The following TRHDE variants were observed in gnomAD, a reference collection of about 807,000 sequenced individuals.
TRHDE encodes the protein thyrotropin-releasing hormone-degrading ectoenzyme.
TRHDE carries 72 observed loss-of-function variants against 125.7 expected under a neutral mutation model. That is an observed-to-expected ratio of 0.57 (90% CI 0.47 to 0.70). The LOEUF (loss-of-function observed/expected upper bound fraction) is 0.70, where lower values mean the gene tolerates loss of function less well. Ranked by LOEUF, TRHDE falls within the 30% of genes least tolerant of loss-of-function variation. The pLI is 0.00. For synonymous variants in TRHDE, 509 were observed against 509.1 expected (o/e 1.00, Z 0.00); for missense variants, 1,110 against 1,327.1 (o/e 0.84, Z 2.54).
intron 15 of TRHDE, among the ~76,000 whole-genome samples, chr12:72,632,646 G>A (rs11179293): frequency 0.15 from 22,523 of 150,434 alleles, 2,298 homozygotes; most frequent in East Asian, 0.54. Flanking sequence ...GGTATAATTG[G>A]TGCTGGATAT....
At chr12:72,276,884 C>T (rs1191669718) in intron 1 of TRHDE, among the ~76,000 whole-genome samples, 2 of 152,110 alleles carry the variant, frequency 1.3e-5, no homozygotes, top group African/African-American at 2.4e-5. Context: ...CTGTAGTCTC[C>T]GACAAAAGAG....
chr12:72,336,998 A>G (rs750426706), intron 2 of TRHDE, among the ~76,000 whole-genome samples: 4 of 152,088 alleles, frequency 2.6e-5, no homozygotes, highest in Non-Finnish European at 5.9e-5. Flanking sequence ...CTCAGGTTTC[A>G]CTCCAGACTT....
At chr12:72,544,992 G>A (rs1869345742) in intron 7 of TRHDE, among the ~76,000 whole-genome samples, 1 of 151,332 alleles carries the variant, frequency 6.6e-6, no homozygotes, top group Non-Finnish European at 1.5e-5. Flanking sequence ...TGTTTCTATA[G>A]TCATATTACC....
intron 2 of TRHDE, among the ~76,000 whole-genome samples, chr12:72,105,945 A>G (rs974168121): frequency 6.6e-6 from 1 of 152,144 alleles, no homozygotes; most frequent in Non-Finnish European, 1.5e-5. Context: ...CTACATTCAT[A>G]TGGCTGGAAA....
At chr12:72,203,173 T>C (rs1307051403) in intron 2 of TRHDE, among the ~76,000 whole-genome samples, 2 of 151,924 alleles carry the variant, frequency 1.3e-5, no homozygotes, top group African/African-American at 4.8e-5. Flanking sequence ...AGACAGAGAA[T>C]GGTCTAGGCC....
At position 72,177,462 on chromosome 12, in the gene TRHDE, A is replaced by G. The variant is rs369945687; in HGVS notation, n.279+71710A>G. Among the ~76,000 whole-genome samples the G allele has an allele frequency of 7.8e-4, 119 of 152,290 alleles. 1 individual carries two copies. Among genetic ancestry groups the G allele is most frequent in the African/African-American group, 2.6e-3 (110 of 41,570 alleles). On this transcript the variant is annotated intron_variant and non_coding_transcript_variant, in intron 2 of 4. Coordinates refer to the TRHDE transcript ENST00000548156. Reference sequence around the variant, plus strand: ...GGCATTTTGAAGATCAAATAGCTACAATAAAAACAACCCAAACAATCCAAA... The same window carrying G: ...GGCATTTTGAAGATCAAATAGCTACGATAAAAACAACCCAAACAATCCAAA...
intron 2 of TRHDE, among the ~76,000 whole-genome samples, chr12:72,375,347 G>A (rs574698792): frequency 6.6e-6 from 1 of 152,254 alleles, no homozygotes; most frequent in East Asian, 1.9e-4. Flanking sequence ...GTTTGAATGA[G>A]CAAATGAAGA....
chr12:72,310,391 A>AT (rs1868490738), intron 2 of TRHDE, among the ~76,000 whole-genome samples: 1 of 152,208 alleles, frequency 6.6e-6, no homozygotes, highest in Non-Finnish European at 1.5e-5. Context: ...ACCATTGCTG[A>AT]TTGCTTTTCA....
rs143736945 is a variant in TRHDE at position 72,144,283 on chromosome 12, C to A, written n.279+38531C>A. Reference sequence around the variant, plus strand: ...CTCTGTCTCTTTCTTTGAACCCCCTCCTCTGCAATCCACCCATCCTTTAAC... The same window carrying A: ...CTCTGTCTCTTTCTTTGAACCCCCTACTCTGCAATCCACCCATCCTTTAAC... On this transcript the variant is annotated intron_variant and non_coding_transcript_variant, in intron 2 of 4. Transcript: ENST00000548156. Among the ~76,000 whole-genome samples, 110 of 152,358 alleles carry A rather than the reference C, an allele frequency of 7.2e-4. No individual in the cohort carries two copies. The East Asian group carries it at 0.015, about 21-fold the overall frequency.
intron 1 of TRHDE, among the ~76,000 whole-genome samples, chr12:72,283,720 T>C (rs1879778000): frequency 6.6e-6 from 1 of 152,098 alleles, no homozygotes; most frequent in Non-Finnish European, 1.5e-5. Flanking sequence ...AGCCCAGAGG[T>C]ATTTACATCT....
At chr12:72,213,730 T>C (rs2139363523) in intron 2 of TRHDE, among the ~76,000 whole-genome samples, 1 of 152,280 alleles carries the variant, frequency 6.6e-6, no homozygotes, top group African/African-American at 2.4e-5. Context: ...ATTATTTGCA[T>C]GCCATAACAT....
chr12:72,121,586 C>A (rs1296124172), intron 2 of TRHDE, among the ~76,000 whole-genome samples: 3 of 152,122 alleles, frequency 2.0e-5, no homozygotes, highest in Middle Eastern at 3.2e-3. Context: ...GCAGCCACTG[C>A]CAGATGATAG....
At chr12:72,087,882 G>A (rs577628562) in intron 1 of TRHDE, among the ~76,000 whole-genome samples, 103 of 152,272 alleles carry the variant, frequency 6.8e-4, no homozygotes, top group African/African-American at 2.4e-3. Context: ...ACCAGCCGAG[G>A]TGTAGGAGAA....
intron 2 of TRHDE, among the ~76,000 whole-genome samples, chr12:72,298,625 G>A (rs1340840391): frequency 6.6e-6 from 1 of 152,168 alleles, no homozygotes; most frequent in African/African-American, 2.4e-5. Context: ...GGAGGTTTAT[G>A]TAGCAGCCAG....
At chr12:72,300,246 A>G (rs1231181735) in intron 2 of TRHDE, among the ~76,000 whole-genome samples, 1 of 152,014 alleles carries the variant, frequency 6.6e-6, no homozygotes, top group Non-Finnish European at 1.5e-5. Context: ...TCATTGTGCT[A>G]ATATATTTAT....
intron 2 of TRHDE, among the ~76,000 whole-genome samples, chr12:72,158,316 A>G (rs1025816732): frequency 6.6e-6 from 1 of 151,896 alleles, no homozygotes; most frequent in Admixed American, 6.6e-5. Context: ...CGTGAATCTA[A>G]AATAAAAGTG....
chr12:72,605,396 C>T (rs1038879892), intron 12 of TRHDE, among the ~76,000 whole-genome samples: 1 of 151,920 alleles, frequency 6.6e-6, no homozygotes, highest in Admixed American at 6.6e-5. Context: ...TAGCTTTGCC[C>T]TTTATTTCTT....
At chr12:72,514,876 G>C (rs1878767202) in intron 6 of TRHDE, among the ~76,000 whole-genome samples, 1 of 143,778 alleles carries the variant, frequency 7.0e-6, no homozygotes, top group South Asian at 2.3e-4. Context: ...CTATGAGTGA[G>C]AATATGTGGT....
chr12:72,234,004 T>C (rs1290375305), intron 2 of TRHDE, among the ~76,000 whole-genome samples: 1 of 152,208 alleles, frequency 6.6e-6, no homozygotes, highest in Non-Finnish European at 1.5e-5. Context: ...TACTTGTACA[T>C]AACAGGAGAC....
Sources: allele counts gnomAD v4.1 joint callset (sites outside exome capture counted in the v4.1 genomes callset), GRCh38; gene constraint gnomAD v4.1.1; transcripts MANE v1.5; gene names NCBI Gene and HGNC (gene_info 2026-07-23, HGNC 2026-07-21).